Variants in FAM81A observed in about 807,000 individuals in gnomAD.
FAM81A encodes the protein family with sequence similarity 81 member A.
A neutral mutation model predicts 46.7 loss-of-function variants in FAM81A; 19 were observed. The ratio of observed to expected loss-of-function variants is 0.41; its 90% CI spans 0.28 to 0.60. FAM81A has a LOEUF of 0.60. FAM81A is among the 20% of genes least tolerant of loss of function. FAM81A has a pLI of 0.34. For synonymous variants in FAM81A, 183 were observed against 152.9 expected, an observed-to-expected ratio of 1.20 and a Z score of -1.45; for missense variants, 377 against 453.5, an observed-to-expected ratio of 0.83 and a Z score of 1.53.
intron 3 of FAM81A, among the ~76,000 whole-genome samples, chr15:59,482,656 A>T (rs561898473): frequency 6.6e-6 from 1 of 152,346 alleles, no homozygotes; most frequent in South Asian, 2.1e-4. Flanking sequence ...TTGCATGCGT[A>T]ACAAGCCATC....
chr15:59,471,620 C>A (rs368002054), intron 3 of FAM81A, among the ~76,000 whole-genome samples: 1 of 136,126 alleles, frequency 7.3e-6, no homozygotes, highest in African/African-American at 2.9e-5. Context: ...TGCTACCATG[C>A]CCTGCTAATT....
intron 2 of FAM81A, among the ~76,000 whole-genome samples, chr15:59,422,477 T>G (rs1423151383): frequency 6.6e-6 from 1 of 152,056 alleles, no homozygotes; most frequent in Admixed American, 6.6e-5. Context: ...TTTATTTTAT[T>G]TTATTTATTT....
chr15:59,506,303 GA>G (rs2082148147), intron 4 of FAM81A, among the ~76,000 whole-genome samples: 1 of 152,080 alleles, frequency 6.6e-6, no homozygotes, highest in African/African-American at 2.4e-5. Context: ...AGAAGATGAA[GA>G]AGTCATAGGC....
intron 1 of FAM81A, among the ~76,000 whole-genome samples, chr15:59,398,086 C>T (rs915416003): frequency 1.1e-4 from 16 of 152,130 alleles, no homozygotes; most frequent in Admixed American, 7.9e-4. Flanking sequence ...CTATCAAGCC[C>T]GAGACCAGAA....
chr15:59,495,697 G>A (rs973522168), intron 4 of FAM81A, among the ~76,000 whole-genome samples: 11 of 152,110 alleles, frequency 7.2e-5, no homozygotes, highest in South Asian at 2.1e-4. Flanking sequence ...CTATCTTTTC[G>A]ATTATAGCCA....
At chr15:59,463,711 AAAG>A (rs1228355078) in intron 3 of FAM81A, among the ~76,000 whole-genome samples, 5 of 149,708 alleles carry the variant, frequency 3.3e-5, no homozygotes, top group Non-Finnish European at 5.9e-5. Context: ...ATAATAATAA[AAAG>A]AAATAATGTA....
At chr15:59,516,513 T>C (rs2082268619) in intron 7 of FAM81A, 132 bp from the exon 8 acceptor site, 1 of 833,724 alleles carries the variant, frequency 1.2e-6, no homozygotes, top group Non-Finnish European at 1.9e-6. Context: ...GAACGGATAT[T>C]ATGGTGGGCA....
intron 6 of FAM81A, among the ~76,000 whole-genome samples, chr15:59,509,889 C>T (rs186965935): frequency 3.3e-5 from 5 of 152,070 alleles, no homozygotes; most frequent in Admixed American, 1.3e-4. Flanking sequence ...TGGGCCAGCT[C>T]GCAGTTGTGA....
intron 1 of FAM81A, among the ~76,000 whole-genome samples, chr15:59,399,696 C>G (rs1013857812): frequency 1.3e-5 from 2 of 152,128 alleles, no homozygotes; most frequent in Non-Finnish European, 2.9e-5. Context: ...AGATAGGAGG[C>G]AGGAGAATTC....
chr15:59,443,101 G>GA (rs2081318074), intron 1 of FAM81A, among the ~76,000 whole-genome samples: 3 of 152,278 alleles, frequency 2.0e-5, no homozygotes, highest in African/African-American at 7.2e-5. Flanking sequence ...TTTTGTTTTT[G>GA]AAATGGAGTC....
chr15:59,488,990 G>A (rs2081951376), intron 3 of FAM81A, among the ~76,000 whole-genome samples: 1 of 152,106 alleles, frequency 6.6e-6, no homozygotes, highest in Admixed American at 6.5e-5. Flanking sequence ...TATAGGCTGG[G>A]TGCGGTGGCT....
rs1267966381 is a variant in FAM81A at position 59,522,422 on chromosome 15, G to C, written c.*1044G>C. Reference sequence around the variant, plus strand: ...TAAATGTTCTAAAAATTTTATCGCTGTTAAGGTATTAATCATTCAGTATTA... The same window carrying C: ...TAAATGTTCTAAAAATTTTATCGCTCTTAAGGTATTAATCATTCAGTATTA... On this transcript the variant is annotated 3_prime_UTR_variant, in exon 9 of 9. Transcript: ENST00000288228. 6.6e-6 allele frequency: 1 copy of C among 152,584 alleles called. No homozygotes were observed. Among genetic ancestry groups the C allele is most frequent in the African/African-American group, 2.4e-5 (1 of 41,450 alleles). 9.5% of individuals were successfully genotyped at this position (152,584 alleles called of 1,614,324 possible). A position where few individuals can be genotyped will look rare whatever the true frequency, so the allele number is the denominator to read the frequency against.
intron 2 of FAM81A, among the ~76,000 whole-genome samples, chr15:59,419,734 C>T (rs896209295): frequency 6.6e-6 from 1 of 152,172 alleles, no homozygotes; most frequent in East Asian, 1.9e-4. Context: ...ATTGGCCGGG[C>T]GTGCTGGCGG....
chr15:59,443,289 C>T (rs1381008692), intron 1 of FAM81A, among the ~76,000 whole-genome samples: 1 of 152,164 alleles, frequency 6.6e-6, no homozygotes, highest in Non-Finnish European at 1.5e-5. Flanking sequence ...ACCACGTTGG[C>T]CAGGCTGGTC....
At chr15:59,495,182 C>T (rs1157967477) in intron 4 of FAM81A, among the ~76,000 whole-genome samples, 1 of 152,190 alleles carries the variant, frequency 6.6e-6, no homozygotes, top group African/African-American at 2.4e-5. Context: ...TGTTAGCTGT[C>T]ACTCCCCATT....
intron 1 of FAM81A, among the ~76,000 whole-genome samples, chr15:59,440,578 T>C (rs1305739981): frequency 1.3e-5 from 2 of 152,192 alleles, no homozygotes; most frequent in African/African-American, 4.8e-5. Context: ...GTAGCCTCAG[T>C]TTCCACTTTG....
At chr15:59,519,257 C>T (rs1194960566) in intron 8 of FAM81A, among the ~76,000 whole-genome samples, 6 of 151,580 alleles carry the variant, frequency 4.0e-5, no homozygotes, top group South Asian at 4.2e-4. Context: ...GGTGCAGTCT[C>T]GGCTGACTGC....
At chr15:59,445,587 C>T (rs1330382155) in intron 1 of FAM81A, 1 of 152,154 alleles carries the variant, frequency 6.6e-6, no homozygotes, top group East Asian at 1.9e-4. Flanking sequence ...GTCCAGCCTC[C>T]TCTCTCTGAG....
intron 5 of FAM81A, among the ~76,000 whole-genome samples, chr15:59,507,920 C>G (rs1427954148): frequency 6.6e-6 from 1 of 152,178 alleles, no homozygotes; most frequent in African/African-American, 2.4e-5. Context: ...GGCGTGTCTT[C>G]TAGGACTTTT....
Sources: gnomAD v4.1 joint callset for allele counts (sites outside exome capture counted in the v4.1 genomes callset) on GRCh38, gnomAD v4.1.1 for gene constraint, MANE v1.5 for transcripts, NCBI Gene and HGNC (gene_info 2026-07-23, HGNC 2026-07-21) for gene names.